The following ADGRB3 variants were observed in gnomAD, a reference collection of about 807,000 sequenced individuals.
The protein encoded by ADGRB3 is brain-specific angiogenesis inhibitor 3.
A neutral mutation model predicts 193.4 loss-of-function variants in ADGRB3; 37 were observed. The observed-to-expected ratio is 0.19, with a 90% CI of 0.15 to 0.25. The LOEUF (loss-of-function observed/expected upper bound fraction) is 0.25. Among genes scored for constraint, ADGRB3 ranks in the 10% least tolerant of loss-of-function variants. The pLI is 1.00. For missense variants in ADGRB3, 1,637 were observed against 1,852.9 expected, an observed-to-expected ratio of 0.88 and a Z score of 2.14; for synonymous variants, 690 against 644.2, an observed-to-expected ratio of 1.07 and a Z score of -1.08.
chr6:68,780,420 T>C (rs1055926887), intron 3 of ADGRB3, among the ~76,000 whole-genome samples: 3 of 152,060 alleles, frequency 2.0e-5, no homozygotes, highest in African/African-American at 7.2e-5. Flanking sequence ...GTTTAGGTTA[T>C]TTGAAACTCA....
rs187457993 is a variant in ADGRB3 at position 69,115,449 on chromosome 6, G to T, written c.2480+39411G>T. The stretch of plus-strand genomic sequence containing the variant: ...AGCACACCCTGGGGCCAGACTGGGG[G>T]ATCGGGGGTTAGGGGAGGGATAGCA... On this transcript the variant is annotated intron_variant, in intron 17 of 31. Transcript: ENST00000370598. Among the ~76,000 whole-genome samples the T allele has an allele frequency of 8.4e-4, 128 of 151,948 alleles. 1 individual carries two copies. Among genetic ancestry groups the T allele is most frequent in the African/African-American group, 3.0e-3 (123 of 41,454 alleles).
At chr6:68,805,114 G>A (rs1767378137) in intron 3 of ADGRB3, among the ~76,000 whole-genome samples, 1 of 151,858 alleles carries the variant, frequency 6.6e-6, no homozygotes, top group Non-Finnish European at 1.5e-5. Flanking sequence ...CTTTTTCATG[G>A]TAGAGACAAG....
At chr6:68,780,646 A>G (rs1766835135) in intron 3 of ADGRB3, among the ~76,000 whole-genome samples, 1 of 152,096 alleles carries the variant, frequency 6.6e-6, no homozygotes, top group Non-Finnish European at 1.5e-5. Context: ...TTTGTACTTC[A>G]ACTTCTTAAT....
intron 3 of ADGRB3, among the ~76,000 whole-genome samples, chr6:68,759,363 G>A (rs1766352217): frequency 6.6e-6 from 1 of 152,002 alleles, no homozygotes; most frequent in Non-Finnish European, 1.5e-5. Context: ...CATTTACATA[G>A]TTTTGAGAAC....
intron 30 of ADGRB3, among the ~76,000 whole-genome samples, chr6:69,377,741 C>G (rs951605303): frequency 6.6e-6 from 1 of 152,076 alleles, no homozygotes; most frequent in Admixed American, 6.6e-5. Flanking sequence ...GAATACCTCT[C>G]TGATATATAA....
At chr6:69,354,193 T>C in intron 26 of ADGRB3, 40 bp from the exon 27 acceptor site, 1 of 1,449,294 alleles carries the variant, frequency 6.9e-7, no homozygotes, top group Non-Finnish European at 9.7e-7. Flanking sequence ...CTTGTCATTA[T>C]TAAGAGAGAA....
At chr6:68,907,194 A>G (rs1766572855) in intron 3 of ADGRB3, among the ~76,000 whole-genome samples, 2 of 151,854 alleles carry the variant, frequency 1.3e-5, no homozygotes, top group South Asian at 4.1e-4. Flanking sequence ...GTTTTTACTA[A>G]ATTTTTAGAA....
chr6:69,324,810 G>A, intron 20 of ADGRB3, 62 bp from the exon 21 acceptor site: 1 of 1,552,542 alleles, frequency 6.4e-7, no homozygotes, highest in Admixed American at 1.8e-5. Context: ...ATCCCCTGAA[G>A]AACATATCAT....
At chr6:69,097,915 A>C (rs996145535) in intron 17 of ADGRB3, among the ~76,000 whole-genome samples, 3 of 152,246 alleles carry the variant, frequency 2.0e-5, no homozygotes, top group Non-Finnish European at 4.4e-5. Context: ...GAAAAGAAAA[A>C]GTAAAAACAT....
intron 3 of ADGRB3, among the ~76,000 whole-genome samples, chr6:68,888,223 A>G (rs962753570): frequency 3.3e-5 from 5 of 152,178 alleles, no homozygotes. Context: ...CACAGCACTG[A>G]TAATCACCAT....
In ADGRB3 at chr6:68,841,187, A is replaced by G. The variant is rs145619064; in HGVS notation, c.758-89372A>G. ...CAACAACACATTTTCAGTTTTGGAC[A>G]GGTCATCCAGTCAGGAAATTAATAA... is the stretch of plus-strand genomic sequence containing the variant. On this transcript the variant is annotated intron_variant, in intron 3 of 31. Transcript: ENST00000370598. Among the ~76,000 whole-genome samples the G allele has an allele frequency of 1.6e-3, 250 of 152,338 alleles. 3 individuals are homozygous for G. Among genetic ancestry groups the G allele is most frequent in the African/African-American group, 5.8e-3 (241 of 41,576 alleles).
Position 69,239,025 on chromosome 6 carries a change from A to T in ADGRB3, c.2712-99A>T, listed in dbSNP as rs866379600. 8.3e-5 allele frequency: 47 copies of T among 569,262 alleles called. 1 individual carries two copies. Among genetic ancestry groups the T allele is most frequent in the African/African-American group, 6.7e-4 (35 of 52,116 alleles). 35.3% of individuals were successfully genotyped at this position (569,262 alleles called of 1,614,324 possible). ...TTTGTAAATATTCCTGTGCTACAGT[A>T]CTTATTTTTCCAGATGAATGCCATC... On this transcript the variant is annotated intron_variant, in intron 19 of 31. Coordinates refer to ENST00000370598, the MANE Select transcript of ADGRB3 (RefSeq NM_001704.3).
At chr6:68,841,761 C>T (rs917137388) in intron 3 of ADGRB3, among the ~76,000 whole-genome samples, 6 of 151,784 alleles carry the variant, frequency 4.0e-5, no homozygotes, top group Non-Finnish European at 5.9e-5. Context: ...TAAAGACTCA[C>T]GAAAGGAAAG....
At chr6:68,714,319 A>G (rs1765455355) in intron 3 of ADGRB3, among the ~76,000 whole-genome samples, 1 of 151,796 alleles carries the variant, frequency 6.6e-6, no homozygotes, top group Non-Finnish European at 1.5e-5. Context: ...ACAAAAACAT[A>G]TCAAAGAGAC....
chr6:69,034,922 G>A (rs1467851210), intron 13 of ADGRB3, among the ~76,000 whole-genome samples: 1 of 151,878 alleles, frequency 6.6e-6, no homozygotes, highest in Non-Finnish European at 1.5e-5. Context: ...TTGTTTGTTT[G>A]AGGATTTGTT....
intron 17 of ADGRB3, among the ~76,000 whole-genome samples, chr6:69,188,588 C>T (rs771425830): frequency 4.6e-5 from 7 of 152,150 alleles, no homozygotes; most frequent in Non-Finnish European, 7.4e-5. Context: ...GTATTAAAGG[C>T]GTGAGCCACT....
chr6:69,024,518 C>T (rs1770369052), intron 13 of ADGRB3, among the ~76,000 whole-genome samples: 2 of 152,138 alleles, frequency 1.3e-5, no homozygotes, highest in South Asian at 4.1e-4. Flanking sequence ...ACAGCTATTT[C>T]ACAACTGTTC....
intron 3 of ADGRB3, among the ~76,000 whole-genome samples, chr6:68,644,423 A>C (rs566433295): frequency 3.9e-4 from 59 of 152,160 alleles, no homozygotes; most frequent in African/African-American, 1.2e-3. Flanking sequence ...TGGTAAGAAA[A>C]TTAGCCATTT....
Position 69,330,489 on chromosome 6 carries a change from T to C in ADGRB3, c.3036-17T>C, listed in dbSNP as rs377275051. ...TGTCACTAATTTTTGTTAGTTCTTA[T>C]CTAATGTCATTTTCAGCTGCTGGCT... On this transcript the variant is annotated splice_polypyrimidine_tract_variant and intron_variant, in intron 22 of 31. Transcript: ENST00000370598. 95 of 1,598,190 alleles carry C rather than the reference T, an allele frequency of 5.9e-5. No individual in the cohort carries two copies. Among genetic ancestry groups the C allele is most frequent in the Non-Finnish European group, 7.3e-5 (85 of 1,170,922 alleles).
Sources: gnomAD v4.1 joint callset for allele counts (sites outside exome capture counted in the v4.1 genomes callset) on GRCh38, gnomAD v4.1.1 for gene constraint, MANE v1.5 for transcripts, NCBI Gene and HGNC (gene_info 2026-07-23, HGNC 2026-07-21) for gene names.